The following WWOX variants were observed in gnomAD, a reference collection of about 807,000 sequenced individuals.
The protein encoded by WWOX is WW domain containing oxidoreductase, also known as WW domain-containing oxidoreductase.
A neutral mutation model predicts 46.2 loss-of-function variants in WWOX; 69 were observed. That is an observed-to-expected ratio of 1.49 (90% CI 1.23 to 1.82). WWOX has a LOEUF of 1.82. Among genes scored for constraint, WWOX ranks in the 40% most tolerant of loss-of-function variants. WWOX has a pLI of 0.00. For synonymous variants in WWOX, 359 were observed against 202.6 expected, an observed-to-expected ratio of 1.77 and a Z score of -6.56; for missense variants, 919 against 542.6, an observed-to-expected ratio of 1.69 and a Z score of -6.89.
chr16:78,658,487 A>T (rs571927135), intron 8 of WWOX, among the ~76,000 whole-genome samples: 53 of 152,244 alleles, frequency 3.5e-4, no homozygotes, highest in African/African-American at 1.2e-3. Flanking sequence ...TTATTCTCTC[A>T]CAGTTTTGGA....
intron 8 of WWOX, among the ~76,000 whole-genome samples, chr16:78,836,112 T>C (rs117171967): frequency 1.0e-3 from 156 of 152,364 alleles, no homozygotes; most frequent in Non-Finnish European, 2.0e-3. Context: ...CATGAGAATT[T>C]AGAGATCTAT....
intron 8 of WWOX, among the ~76,000 whole-genome samples, chr16:78,963,934 A>G (rs1489831343): frequency 1.3e-5 from 2 of 152,212 alleles, no homozygotes; most frequent in Admixed American, 1.3e-4. Context: ...TAAGTTTCAT[A>G]AGATCCAATG....
intron 8 of WWOX, among the ~76,000 whole-genome samples, chr16:78,686,106 A>C (rs116734075): frequency 0.011 from 1,638 of 152,344 alleles, 37 homozygotes; most frequent in African/African-American, 0.038. Context: ...ACATTCATAC[A>C]GTCAGGACCA....
chr16:78,313,228 T>G (rs1022214191), intron 5 of WWOX, among the ~76,000 whole-genome samples: 11 of 152,184 alleles, frequency 7.2e-5, no homozygotes, highest in African/African-American at 2.7e-4. Context: ...CCATGGAACC[T>G]CAGACTGGGA....
chr16:78,223,832 CCATTT>C (rs1363986605), intron 5 of WWOX, among the ~76,000 whole-genome samples: 2 of 152,046 alleles, frequency 1.3e-5, no homozygotes, highest in African/African-American at 4.8e-5. Context: ...AACAAAATAG[CCATTT>C]ACATGTCAAG....
At chr16:79,031,330 C>T (rs2047749730) in intron 8 of WWOX, among the ~76,000 whole-genome samples, 1 of 152,102 alleles carries the variant, frequency 6.6e-6, no homozygotes, top group Non-Finnish European at 1.5e-5. Flanking sequence ...CTGTCCCATC[C>T]TGGCACTGCA....
chr16:78,546,113 GAAGA>G (rs1187573249), intron 8 of WWOX, among the ~76,000 whole-genome samples: 2 of 152,136 alleles, frequency 1.3e-5, no homozygotes, highest in Non-Finnish European at 2.9e-5. Flanking sequence ...TTTTATGGAA[GAAGA>G]AAGACGGTCT....
At chr16:78,700,588 C>G (rs1484608031) in intron 8 of WWOX, among the ~76,000 whole-genome samples, 1 of 152,182 alleles carries the variant, frequency 6.6e-6, no homozygotes. Context: ...CCCACCAGGT[C>G]CAAGGAAGGG....
chr16:78,482,446 C>G (rs2084518413), intron 8 of WWOX, among the ~76,000 whole-genome samples: 1 of 152,186 alleles, frequency 6.6e-6, no homozygotes, highest in Non-Finnish European at 1.5e-5. Context: ...TGGCCTCGAA[C>G]TCCTCACTTC....
At chr16:78,729,876 C>T (rs909786913) in intron 8 of WWOX, among the ~76,000 whole-genome samples, 1 of 152,116 alleles carries the variant, frequency 6.6e-6, no homozygotes, top group African/African-American at 2.4e-5. Context: ...TGGTCCCAAA[C>T]CCACAGGGCT....
chr16:78,776,056 T>G (rs1224618063), intron 8 of WWOX, among the ~76,000 whole-genome samples: 45 of 152,200 alleles, frequency 3.0e-4, no homozygotes, highest in Admixed American at 2.9e-3. Context: ...TATAGGAGTA[T>G]AACACCATGG....
At chr16:78,737,484 A>C (rs1281162243) in intron 8 of WWOX, among the ~76,000 whole-genome samples, 2 of 152,024 alleles carry the variant, frequency 1.3e-5, no homozygotes, top group Non-Finnish European at 2.9e-5. Context: ...GTGTTTGGTT[A>C]CATGAATAAG....
intron 4 of WWOX, among the ~76,000 whole-genome samples, chr16:78,120,083 G>T (rs1431612096): frequency 6.6e-6 from 1 of 152,072 alleles, no homozygotes; most frequent in African/African-American, 2.4e-5. Flanking sequence ...AAATACCAGT[G>T]AAATATATTT....
At chr16:78,849,183 G>A (rs2052376065) in intron 8 of WWOX, among the ~76,000 whole-genome samples, 1 of 152,128 alleles carries the variant, frequency 6.6e-6, no homozygotes, top group Non-Finnish European at 1.5e-5. Context: ...AAACATACAA[G>A]AGTCAATGTA....
chr16:78,669,414 T>C (rs1455114403), intron 8 of WWOX, among the ~76,000 whole-genome samples: 2 of 152,248 alleles, frequency 1.3e-5, no homozygotes, highest in African/African-American at 2.4e-5. Flanking sequence ...GGGATGTTTT[T>C]ACAATGTCTG....
intron 8 of WWOX, among the ~76,000 whole-genome samples, chr16:78,984,563 G>C (rs372151148): frequency 3.0e-4 from 45 of 152,322 alleles, no homozygotes; most frequent in African/African-American, 1.0e-3. Context: ...CACATGAGCA[G>C]AGAGTTCTGG....
intron 8 of WWOX, among the ~76,000 whole-genome samples, chr16:79,155,907 A>G (rs529776383): frequency 2.7e-5 from 4 of 146,620 alleles, no homozygotes; most frequent in Non-Finnish European, 4.4e-5. Flanking sequence ...TTTTTTTTTA[A>G]TCTAGGTACA....
At chr16:78,862,738 C>A (rs923466850) in intron 8 of WWOX, among the ~76,000 whole-genome samples, 7 of 152,112 alleles carry the variant, frequency 4.6e-5, no homozygotes, top group African/African-American at 1.7e-4. Flanking sequence ...GCAATTCTTT[C>A]TCACTCAGCC....
intron 8 of WWOX, among the ~76,000 whole-genome samples, chr16:78,611,740 T>C (rs77550411): frequency 4.8e-4 from 73 of 152,360 alleles, no homozygotes; most frequent in African/African-American, 1.8e-3. Flanking sequence ...TGCATGTCGC[T>C]GATGGTTGGC....
Sources: allele counts gnomAD v4.1 joint callset (sites outside exome capture counted in the v4.1 genomes callset), GRCh38; gene constraint gnomAD v4.1.1; transcripts MANE v1.5; gene names NCBI Gene and HGNC (gene_info 2026-07-23, HGNC 2026-07-21).